EPHA5: variants seen among roughly 807,000 people sequenced by gnomAD.
EPHA5 encodes the protein ephrin type-A receptor 5.
Under a neutral mutation model 105.0 loss-of-function variants are expected in EPHA5, and 60 were observed. The ratio of observed to expected loss-of-function variants is 0.57; its 90% CI spans 0.46 to 0.71. The LOEUF is 0.71. Among genes scored for constraint, EPHA5 ranks in the 30% least tolerant of loss-of-function variants. EPHA5 has a pLI of 0.00. For missense variants in EPHA5, 1,218 were observed against 1,274.7 expected, an observed-to-expected ratio of 0.96 and a Z score of 0.68; for synonymous variants, 513 against 449.1, an observed-to-expected ratio of 1.14 and a Z score of -1.80.
chr4:65,469,391 T>A (rs960183988), intron 5 of EPHA5, among the ~76,000 whole-genome samples: 6 of 152,196 alleles, frequency 3.9e-5, no homozygotes, highest in Admixed American at 1.3e-4. Flanking sequence ...AAATAGGTAT[T>A]CAAGTTATGT....
At chr4:65,399,716 A>C (rs1379416938) in intron 8 of EPHA5, among the ~76,000 whole-genome samples, 1 of 152,218 alleles carries the variant, frequency 6.6e-6, no homozygotes, top group African/African-American at 2.4e-5. Context: ...TTTACTTCTA[A>C]TTGTGTATGT....
intron 12 of EPHA5, among the ~76,000 whole-genome samples, chr4:65,352,005 A>G (rs1159577402): frequency 6.6e-6 from 1 of 152,044 alleles, no homozygotes; most frequent in African/African-American, 2.4e-5. Flanking sequence ...CAGAGGTGAT[A>G]AGGGAGTTTC....
At chr4:65,478,356 AATG>A (rs1240629950) in intron 5 of EPHA5, among the ~76,000 whole-genome samples, 14 of 152,208 alleles carry the variant, frequency 9.2e-5, no homozygotes, top group Admixed American at 3.9e-4. Context: ...CACACATTAA[AATG>A]ATAAGTTAAC....
chr4:65,414,184 G>T, intron 7 of EPHA5, 100 bp downstream of exon 7: 3 of 1,009,842 alleles, frequency 3.0e-6, no homozygotes, highest in South Asian at 1.4e-5. Flanking sequence ...GAGAGAGGGA[G>T]AGTGAGACTG....
chr4:65,512,556 G>T (rs1268871701), intron 3 of EPHA5, among the ~76,000 whole-genome samples: 10 of 152,058 alleles, frequency 6.6e-5, no homozygotes, highest in Admixed American at 2.6e-4. Flanking sequence ...GTACCTCCCC[G>T]CTCTGTCTCT....
At chr4:65,373,626 T>C (rs556725934) in intron 8 of EPHA5, among the ~76,000 whole-genome samples, 2 of 152,092 alleles carry the variant, frequency 1.3e-5, no homozygotes, top group Non-Finnish European at 2.9e-5. Flanking sequence ...AATTTCTGCA[T>C]TGTATGTCTG....
chr4:65,447,029 C>A (rs920994760), intron 5 of EPHA5, among the ~76,000 whole-genome samples: 6 of 135,008 alleles, frequency 4.4e-5, no homozygotes, highest in African/African-American at 1.4e-4. Context: ...TTCTGTCACT[C>A]AGGCTGGTGT....
intron 11 of EPHA5, among the ~76,000 whole-genome samples, chr4:65,357,693 G>C (rs1166724132): frequency 6.6e-6 from 1 of 151,256 alleles, no homozygotes; most frequent in Non-Finnish European, 1.5e-5. Context: ...GAGGGTTGCT[G>C]TTCAATGTGT....
intron 3 of EPHA5, among the ~76,000 whole-genome samples, chr4:65,533,457 G>T (rs1406786451): frequency 6.6e-6 from 1 of 152,058 alleles, no homozygotes. Flanking sequence ...AAATGGAAGT[G>T]TCTGAATTAC....
chr4:65,386,946 T>A (rs1720153673), intron 8 of EPHA5, among the ~76,000 whole-genome samples: 1 of 151,550 alleles, frequency 6.6e-6, no homozygotes, highest in African/African-American at 2.4e-5. Context: ...ATTTGTAACC[T>A]GCAATATAAA....
intron 3 of EPHA5, among the ~76,000 whole-genome samples, chr4:65,525,628 A>G (rs1468596827): frequency 6.6e-6 from 1 of 151,910 alleles, no homozygotes; most frequent in Non-Finnish European, 1.5e-5. Flanking sequence ...TCACATTTAA[A>G]CCAACAGACT....
chr4:65,537,547 T>C (rs1736403642), intron 3 of EPHA5, among the ~76,000 whole-genome samples: 2 of 151,776 alleles, frequency 1.3e-5, no homozygotes, highest in African/African-American at 4.8e-5. Flanking sequence ...AGGCTCAATA[T>C]ATCTTTTAGT....
At chr4:65,514,732 T>C (rs1430143387) in intron 3 of EPHA5, among the ~76,000 whole-genome samples, 1 of 152,154 alleles carries the variant, frequency 6.6e-6, no homozygotes, top group Non-Finnish European at 1.5e-5. Flanking sequence ...AAAATGCTCG[T>C]CATCAAATCT....
chr4:65,359,933 T>C (rs1415220814), intron 11 of EPHA5, among the ~76,000 whole-genome samples: 1 of 151,584 alleles, frequency 6.6e-6, no homozygotes, highest in Admixed American at 6.6e-5. Flanking sequence ...ATTCTCCTAC[T>C]ACATCGTTAA....
intron 5 of EPHA5, among the ~76,000 whole-genome samples, chr4:65,475,928 C>G (rs1729751054): frequency 6.6e-6 from 1 of 152,112 alleles, no homozygotes; most frequent in Non-Finnish European, 1.5e-5. Flanking sequence ...CAAAAATAGA[C>G]TATCAGCAGG....
At chr4:65,344,653 T>C (rs1434793582) in intron 14 of EPHA5, among the ~76,000 whole-genome samples, 2 of 152,112 alleles carry the variant, frequency 1.3e-5, no homozygotes, top group Non-Finnish European at 2.9e-5. Context: ...TAAAATACTT[T>C]CACAAAAATT....
chr4:65,401,600 C>A (rs547815707), intron 8 of EPHA5, among the ~76,000 whole-genome samples: 42 of 152,188 alleles, frequency 2.8e-4, no homozygotes, highest in Middle Eastern at 6.8e-3. Flanking sequence ...GCTGTCTTTT[C>A]AACTGCAAAT....
intron 3 of EPHA5, among the ~76,000 whole-genome samples, chr4:65,519,881 C>CACAA (rs1734504664): frequency 6.6e-6 from 1 of 151,964 alleles, no homozygotes; most frequent in Non-Finnish European, 1.5e-5. Context: ...TAAAAGAGGA[C>CACAA]ACAAACAAAT....
intron 5 of EPHA5, among the ~76,000 whole-genome samples, chr4:65,489,401 G>A (rs1425989871): frequency 6.6e-6 from 1 of 152,168 alleles, no homozygotes; most frequent in African/African-American, 2.4e-5. Context: ...ATTTCTTTGT[G>A]AGTACTGGTG....
Sources: gnomAD v4.1 joint callset for allele counts (sites outside exome capture counted in the v4.1 genomes callset) on GRCh38, gnomAD v4.1.1 for gene constraint, MANE v1.5 for transcripts, NCBI Gene and HGNC (gene_info 2026-07-23, HGNC 2026-07-21) for gene names.